Variants in DMD observed in about 807,000 individuals in gnomAD.
DMD encodes mutant dystrophin.
DMD carries 63 observed loss-of-function variants against 330.1 expected under a neutral mutation model. The ratio of observed to expected loss-of-function variants is 0.19; its 90% CI spans 0.16 to 0.24. The LOEUF (loss-of-function observed/expected upper bound fraction) is 0.24, where lower values mean the gene tolerates loss of function less well. DMD is among the 10% of genes least tolerant of loss of function. The pLI, the probability that DMD is intolerant of heterozygous loss-of-function variation, is 1.00. For synonymous variants in DMD, 1,223 were observed against 959.8 expected (o/e 1.27, Z -5.07); for missense variants, 3,344 against 2,684.1 (o/e 1.25, Z -5.43).
At chrX:32,137,511 C>A (rs888328161) in intron 44 of DMD, among the ~76,000 whole-genome samples, 2 of 111,589 alleles carry the variant, frequency 1.8e-5, no homozygotes, top group African/African-American at 6.5e-5. Context: ...ATAAGGAGAA[C>A]CTGGCCAGGC....
intron 47 of DMD, among the ~76,000 whole-genome samples, chrX:31,908,281 C>T (rs1479022725): frequency 8.9e-6 from 1 of 111,833 alleles, no homozygotes; most frequent in South Asian, 3.8e-4. Flanking sequence ...TTTATTGCGG[C>T]ACTATTCACA....
At chrX:31,659,639 G>GGAAAAAAAAA (rs1829079513) in intron 53 of DMD, among the ~76,000 whole-genome samples, 1 of 39,982 alleles carries the variant, frequency 2.5e-5, no homozygotes, top group African/African-American at 9.3e-5. Flanking sequence ...CTCCATCTCG[G>GGAAAAAAAAA]AAAAAAAAAA....
chrX:33,088,695 A>C (rs751936579), intron 1 of DMD, among the ~76,000 whole-genome samples: 1 of 112,095 alleles, frequency 8.9e-6, no homozygotes, highest in East Asian at 2.8e-4. Flanking sequence ...AAAAAAAAGA[A>C]TAAATATTAA....
chrX:32,233,969 A>G (rs777245324), intron 43 of DMD, among the ~76,000 whole-genome samples: 2 of 111,075 alleles, frequency 1.8e-5, no homozygotes, highest in Non-Finnish European at 3.8e-5. Flanking sequence ...CCAAAATTGT[A>G]TATATATGTA....
chrX:31,314,742 C>CAGAGAGAGAGAGAGAGAGAGAA (rs1556488351), intron 62 of DMD, among the ~76,000 whole-genome samples: 27 of 55,283 alleles, frequency 4.9e-4, no homozygotes, highest in African/African-American at 2.1e-3. Context: ...AATACATACA[C>CAGAGAGAGAGAGAGAGAGAGAA]AGAGAGAGAG....
chrX:32,558,061 T>A (rs1382617528), intron 16 of DMD, among the ~76,000 whole-genome samples: 1 of 110,806 alleles, frequency 9.0e-6, no homozygotes, highest in Non-Finnish European at 1.9e-5. Flanking sequence ...GAAGGCATCA[T>A]AAGTCATTTG....
intron 7 of DMD, among the ~76,000 whole-genome samples, chrX:32,764,559 A>G (rs2748320): frequency 0.45 from 49,591 of 110,004 alleles, 9,634 homozygotes; most frequent in African/African-American, 0.74. Context: ...ATCCTTTTGT[A>G]TCTGGCTTTT....
chrX:32,999,774 T>TCAAAAACAAAAA (rs59195554), intron 2 of DMD, among the ~76,000 whole-genome samples: 1,256 of 93,053 alleles, frequency 0.013, 21 homozygotes, highest in East Asian at 0.075. Context: ...AGACTCCATC[T>TCAAAAACAAAAA]CAAAAACAAA....
At chrX:32,628,867 GA>G (rs2058548046) in intron 11 of DMD, among the ~76,000 whole-genome samples, 1 of 111,747 alleles carries the variant, frequency 8.9e-6, no homozygotes, top group South Asian at 3.7e-4. Flanking sequence ...ATTCAGTTGT[GA>G]TCAGAAAAGC....
At chrX:32,985,257 A>G (rs2092813421) in intron 2 of DMD, among the ~76,000 whole-genome samples, 1 of 112,030 alleles carries the variant, frequency 8.9e-6, no homozygotes, top group Non-Finnish European at 1.9e-5. Context: ...TTTAATTTAG[A>G]TAATTTTAGG....
At chrX:32,908,135 A>G (rs1316542585) in intron 2 of DMD, among the ~76,000 whole-genome samples, 2 of 112,300 alleles carry the variant, frequency 1.8e-5, no homozygotes, top group Non-Finnish European at 3.8e-5. Flanking sequence ...TTAAAATGTG[A>G]TGTAGGCTCT....
At chrX:32,023,126 C>T (rs2095819767) in intron 44 of DMD, among the ~76,000 whole-genome samples, 1 of 111,441 alleles carries the variant, frequency 9.0e-6, no homozygotes, top group Non-Finnish European at 1.9e-5. Context: ...CTACTGCGCC[C>T]GGCCAGAACT....
intron 22 of DMD, among the ~76,000 whole-genome samples, chrX:32,471,010 C>T (rs1352386470): frequency 8.9e-6 from 1 of 111,780 alleles, no homozygotes; most frequent in African/African-American, 3.2e-5. Context: ...GGCGCAGTGG[C>T]TCACACCTGT....
Position 31,191,891 on chromosome X carries a change from T to C in DMD, c.9808-8987A>G, listed in dbSNP as rs1358541640. Among the ~76,000 whole-genome samples, 3 of 112,713 alleles carry C rather than the reference T, an allele frequency of 2.7e-5. No individual in the cohort carries two copies. In the Admixed American group the frequency reaches 2.8e-4, roughly 11 times the overall value. On this transcript the variant is annotated intron_variant, in intron 67 of 78. Transcript: ENST00000357033. ...TGGCATTAATAGCTGACAACTCAAC[T>C]TTTCTAGCCCTCGTTATAAAAAGCC...
chrX:31,551,480 A>G (rs1262117177), intron 55 of DMD, among the ~76,000 whole-genome samples: 1 of 111,810 alleles, frequency 8.9e-6, no homozygotes, highest in Admixed American at 9.5e-5. Context: ...TACCCTCAAT[A>G]TGTGCCCACA....
chrX:32,318,234 C>A (rs1242694952), intron 41 of DMD, among the ~76,000 whole-genome samples: 1 of 111,200 alleles, frequency 9.0e-6, no homozygotes, highest in Non-Finnish European at 1.9e-5. Flanking sequence ...TTATTTATTT[C>A]TCCTGGACAA....
chrX:32,996,372 T>C, intron 2 of DMD, among the ~76,000 whole-genome samples: 1 of 111,827 alleles, frequency 8.9e-6, no homozygotes, highest in Non-Finnish European at 1.9e-5. Context: ...ATAGTACACA[T>C]TGTAATATTT....
intron 7 of DMD, chrX:32,754,928 C>T (rs2071313554): frequency 9.0e-6 from 1 of 111,499 alleles, no homozygotes; most frequent in Non-Finnish European, 1.9e-5. Context: ...ACCTTCAGTT[C>T]TCTGTACATT....
intron 34 of DMD, among the ~76,000 whole-genome samples, chrX:32,375,477 A>C (rs193130148): frequency 0.012 from 1,339 of 112,190 alleles, 10 homozygotes; most frequent in South Asian, 0.078. Flanking sequence ...AGTTTCCAAA[A>C]GGAAAAATCC....
Sources: gnomAD v4.1 joint callset for allele counts (sites outside exome capture counted in the v4.1 genomes callset) on GRCh38, gnomAD v4.1.1 for gene constraint, MANE v1.5 for transcripts, NCBI Gene and HGNC (gene_info 2026-07-23, HGNC 2026-07-21) for gene names.